Variants in SAMD4A observed in about 807,000 individuals in gnomAD.
SAMD4A encodes sterile alpha motif domain containing 4A, also known as protein Smaug homolog 1.
A neutral mutation model predicts 81.3 loss-of-function variants in SAMD4A; 33 were observed. The ratio of observed to expected loss-of-function variants is 0.41; its 90% CI spans 0.31 to 0.54. The LOEUF (loss-of-function observed/expected upper bound fraction) is 0.54, where lower values mean the gene tolerates loss of function less well. Ranked by LOEUF, SAMD4A falls within the 20% of genes least tolerant of loss-of-function variation. The pLI is 0.37. For missense variants in SAMD4A, 854 were observed against 951.1 expected, an observed-to-expected ratio of 0.90 and a Z score of 1.34; for synonymous variants, 389 against 382.1, an observed-to-expected ratio of 1.02 and a Z score of -0.21.
At chr14:54,622,378 G>T (rs2034637463) in intron 2 of SAMD4A, among the ~76,000 whole-genome samples, 2 of 152,284 alleles carry the variant, frequency 1.3e-5, no homozygotes, top group South Asian at 4.2e-4. Flanking sequence ...CAGGATGTAG[G>T]ATTATGATGG....
chr14:54,748,574 C>G (rs2140967501), intron 4 of SAMD4A, among the ~76,000 whole-genome samples: 1 of 152,160 alleles, frequency 6.6e-6, no homozygotes, highest in South Asian at 2.1e-4. Flanking sequence ...GCTCATGGAC[C>G]CCAACTTAGT....
At chr14:54,773,876 G>T (rs1011337472) in intron 9 of SAMD4A, among the ~76,000 whole-genome samples, 1 of 152,242 alleles carries the variant, frequency 6.6e-6, no homozygotes, top group African/African-American at 2.4e-5. Flanking sequence ...TTCAGGCACC[G>T]GACATGCAGG....
intron 11 of SAMD4A, among the ~76,000 whole-genome samples, chr14:54,782,971 A>C (rs2039036834): frequency 1.3e-5 from 2 of 152,112 alleles, no homozygotes; most frequent in Non-Finnish European, 1.5e-5. Context: ...TGCCCACTTG[A>C]CAGGTAGAGG....
intron 7 of SAMD4A, among the ~76,000 whole-genome samples, chr14:54,762,333 C>T (rs1277280901): frequency 1.3e-5 from 2 of 152,238 alleles, no homozygotes; most frequent in African/African-American, 4.8e-5. Context: ...TGTTATTGTC[C>T]AATATTTCAG....
chr14:54,636,863 T>G (rs1232698806), intron 2 of SAMD4A, among the ~76,000 whole-genome samples: 5 of 152,116 alleles, frequency 3.3e-5, no homozygotes, highest in Non-Finnish European at 7.4e-5. Context: ...ATTGAGATAT[T>G]GATTATACCT....
chr14:54,746,097 C>G (rs1158668337), intron 4 of SAMD4A, among the ~76,000 whole-genome samples: 1 of 152,208 alleles, frequency 6.6e-6, no homozygotes, highest in East Asian at 1.9e-4. Flanking sequence ...ATGAAATGGT[C>G]AAGGCTCTTG....
At chr14:54,597,517 G>A (rs990275162) in intron 2 of SAMD4A, among the ~76,000 whole-genome samples, 9 of 149,996 alleles carry the variant, frequency 6.0e-5, no homozygotes, top group Middle Eastern at 3.2e-3. Context: ...TCAGGTGATC[G>A]CCCACCTTGG....
intron 2 of SAMD4A, chr14:54,688,188 C>T (rs1291081977): frequency 7.1e-6 from 7 of 985,462 alleles, no homozygotes; most frequent in Non-Finnish European, 8.4e-6. Context: ...ATATTATGGT[C>T]CTCTAATCAA....
At chr14:54,703,647 C>G (rs1223515991) in intron 3 of SAMD4A, 1 of 152,156 alleles carries the variant, frequency 6.6e-6, no homozygotes, top group African/African-American at 2.4e-5. Flanking sequence ...GCGGGCAGAT[C>G]ACTTGAGGTC....
At chr14:54,610,838 C>G (rs1341218902) in intron 2 of SAMD4A, among the ~76,000 whole-genome samples, 1 of 152,062 alleles carries the variant, frequency 6.6e-6, no homozygotes, top group Non-Finnish European at 1.5e-5. Flanking sequence ...GCACTCATAG[C>G]CAGATGGAAA....
chr14:54,565,993 G>C (rs1323163457), upstream of SAMD4A, among the ~76,000 whole-genome samples: 2 of 150,364 alleles, frequency 1.3e-5, no homozygotes, highest in African/African-American at 4.9e-5. This position sits in a 1 kb window ranked among gnomAD's most constrained non-coding sequence, Gnocchi z 5.4. Context: ...CTCCCCCCGC[G>C]TGCCGTCGCC....
chr14:54,643,976 G>T (rs2035230456), intron 2 of SAMD4A, among the ~76,000 whole-genome samples: 2 of 152,186 alleles, frequency 1.3e-5, no homozygotes, highest in African/African-American at 4.8e-5. Flanking sequence ...GTCCAGGAGG[G>T]ACTCGGTAGA....
chr14:54,743,940 A>C (rs1266052646), intron 4 of SAMD4A, among the ~76,000 whole-genome samples: 8 of 152,194 alleles, frequency 5.3e-5, no homozygotes, highest in Non-Finnish European at 1.2e-4. Context: ...TTTTGAAAGG[A>C]ACATCTTCCA....
chr14:54,775,202 C>T, intron 10 of SAMD4A, 67 bp downstream of exon 10: 1 of 1,583,662 alleles, frequency 6.3e-7, no homozygotes, highest in Non-Finnish European at 8.7e-7. Flanking sequence ...GATGTCCCCC[C>T]AGGTGACCCC....
intron 6 of SAMD4A, among the ~76,000 whole-genome samples, chr14:54,757,396 T>G (rs2038270438): frequency 7.0e-6 from 1 of 143,036 alleles, no homozygotes; most frequent in African/African-American, 2.9e-5. Flanking sequence ...TGTGTGTGTG[T>G]GTGTGTGTGT....
chr14:54,748,867 C>G lies in SAMD4A; in HGVS notation c.1032C>G (p.Phe344Leu). The change falls in exon 5 of 13, where the codon TTC becomes TTG. Residue 344 changes from phenylalanine (F) to leucine (L), a missense_variant. Transcript: ENST00000554335. ...SLRLHKYAALFSQMTYEEMMA... is the reference protein window; with the variant it reads ...SLRLHKYAALLSQMTYEEMMA... ...GCCTGCACAAATATGCCGCGCTTTT[C>G]TCCCAGATGACCTATGAGGAGATGA... The G allele has an allele frequency of 6.4e-7, 1 of 1,555,682 alleles. No individual in the cohort carries two copies. Among genetic ancestry groups the G allele is most frequent in the Non-Finnish European group, 8.7e-7 (1 of 1,148,754 alleles).
rs866964677 is a variant in SAMD4A, at chr14:54,644,747, G to C, written c.197-57315G>C. On this transcript the variant is annotated intron_variant, in intron 2 of 12. Transcript: ENST00000554335. ...TATGATTCAGATCTTAAACACATGA[G>C]TGGTGTTGCAGGACATGTGACAGGC... Among the ~76,000 whole-genome samples the C allele has an allele frequency of 2.0e-5, 3 of 152,332 alleles. No individual in the cohort carries two copies. The Middle Eastern group carries it at 0.01, about 518-fold the overall frequency.
rs2038807552 is a variant in SAMD4A, at chr14:54,775,085, A to C, written c.1867A>C (p.Asn623His). 1 of 1,614,068 alleles carries C rather than the reference A, an allele frequency of 6.2e-7. No individual in the cohort carries two copies. Among genetic ancestry groups the C allele is most frequent in the Non-Finnish European group, 8.5e-7 (1 of 1,180,036 alleles). ...GGGCACCAGTGGATTCGTCAGCTCC[A>C]ACCAGCGCAACACCACAGCTACCCC... ...LLGTSGFVSS[N>H]QRNTTATPTI... Residue 623 changes from asparagine to histidine, a missense_variant, in exon 10 of 13, where the codon AAC becomes CAC. Asn to His is a moderately conservative substitution (Grantham distance 68). Coordinates refer to ENST00000554335, the MANE Select transcript of SAMD4A (RefSeq NM_015589.6).
At chr14:54,673,488 C>T (rs1177086283) in intron 2 of SAMD4A, among the ~76,000 whole-genome samples, 2 of 152,192 alleles carry the variant, frequency 1.3e-5, no homozygotes, top group African/African-American at 4.8e-5. Context: ...GTGACGGCAG[C>T]GTCAGCATAG....
Sources: gnomAD v4.1 joint callset for allele counts (sites outside exome capture counted in the v4.1 genomes callset) on GRCh38, gnomAD v4.1.1 for gene constraint, Gnocchi (gnomAD v3.1) non-coding constraint, MANE v1.5 for transcripts, NCBI Gene and HGNC (gene_info 2026-07-23, HGNC 2026-07-21) for gene names.